Variants in NDUFV1 observed in about 807,000 individuals in gnomAD.
NDUFV1 encodes the protein NADH:ubiquinone oxidoreductase core subunit V1.
A neutral mutation model predicts 48.7 loss-of-function variants in NDUFV1; 41 were observed. That is an observed-to-expected ratio of 0.84 (90% confidence interval 0.66 to 1.09). The LOEUF is 1.09. NDUFV1 is among the 50% of genes least tolerant of loss of function. NDUFV1 has a pLI of 0.00. For missense variants in NDUFV1, 580 were observed against 645.4 expected (o/e 0.90, Z 1.10); for synonymous variants, 231 against 259.1 (o/e 0.89, Z 1.04).
Position 67,612,308 on chromosome 11 carries a change from C to A in NDUFV1, c.1308+43C>A. On this transcript the variant is annotated intron_variant, in intron 9 of 9. Transcript: ENST00000322776. The surrounding 1 kb of genome is among the most constrained non-coding windows in gnomAD (Gnocchi z 4.4). ...GCGTAGCACGGAGGGTGGGTGGCAT[C>A]AAGGGCCCAGGGTGTTGGGGGATTT... is the stretch of plus-strand genomic sequence containing the variant. 1 of 1,613,764 alleles carries A rather than the reference C, an allele frequency of 6.2e-7. No homozygotes were observed. Among genetic ancestry groups the A allele is most frequent in the East Asian group, 2.2e-5 (1 of 44,834 alleles).
Position 67,612,359 on chromosome 11 carries a change from C to T in NDUFV1, c.1309-13C>T. 6.2e-7 allele frequency: 1 copy of T among 1,613,712 alleles called. No homozygotes were observed. Among genetic ancestry groups the T allele is most frequent in the South Asian group, 1.1e-5 (1 of 91,066 alleles). On this transcript the variant is annotated splice_polypyrimidine_tract_variant and intron_variant, in intron 9 of 9. Transcript: ENST00000322776. This position sits in a 1 kb window ranked among gnomAD's most constrained non-coding sequence, Gnocchi z 4.4. Reference sequence around the variant, plus strand: ...TTGGACTCTGTTTCACATGGTCCCCCCACCGACCCCAGGGTCTGATCCGCC... The same window carrying T: ...TTGGACTCTGTTTCACATGGTCCCCTCACCGACCCCAGGGTCTGATCCGCC...
In NDUFV1 at chr11:67,611,717, C is replaced by A; in HGVS notation, c.1080+148C>A. 1 of 1,402,116 alleles carries A rather than the reference C, an allele frequency of 7.1e-7. No homozygotes were observed. Among genetic ancestry groups the A allele is most frequent in the Non-Finnish European group, 9.8e-7 (1 of 1,020,746 alleles). 86.9% of individuals were successfully genotyped at this position (1,402,116 alleles called of 1,614,324 possible). A position where few individuals can be genotyped will look rare whatever the true frequency, so the allele number is the denominator to read the frequency against. On this transcript the variant is annotated intron_variant, in intron 7 of 9. Coordinates refer to ENST00000322776, the MANE Select transcript of NDUFV1 (RefSeq NM_007103.4). This position sits in a 1 kb window ranked among gnomAD's most constrained non-coding sequence, Gnocchi z 4.2. Reference sequence around the variant, plus strand: ...GGTGGAAGAGGAGGGAGGAAGGCTGCTCTGAGGAGAATACCCCGGAGTCTG... The same window carrying A: ...GGTGGAAGAGGAGGGAGGAAGGCTGATCTGAGGAGAATACCCCGGAGTCTG...
intron 1 of NDUFV1, 54 bp from the exon 2 acceptor site, chr11:67,608,342 C>A: frequency 6.6e-7 from 1 of 1,525,842 alleles, no homozygotes; most frequent in Non-Finnish European, 9.1e-7. Context: ...GCTTCTGGCC[C>A]AATCCCTCAT....
chr11:67,610,414 A>C lies in NDUFV1; in HGVS notation c.544A>C (p.Ile182Leu). 1 of 1,614,072 alleles carries C rather than the reference A, an allele frequency of 6.2e-7. No individual in the cohort carries two copies. The highest frequency in any genetic ancestry group is 1.1e-5 in the South Asian group (1 of 91,072). Reference protein sequence around the residue: ...AIREAYEAGLIGKNACGSGYD... With the variant: ...AIREAYEAGLLGKNACGSGYD... ...CCGAGAGGCCTATGAGGCAGGTCTGATTGGCAAGAATGCTTGTGGCTCTGG... is the reference window on the plus strand; with the variant it reads ...CCGAGAGGCCTATGAGGCAGGTCTGCTTGGCAAGAATGCTTGTGGCTCTGG... Residue 182 changes from isoleucine to leucine, a missense_variant, in exon 5 of 10, where the codon ATT becomes CTT. Physicochemically the swap from Ile to Leu is conservative, Grantham distance 5. Transcript: ENST00000322776.
At chr11:67,610,297 CT>C in intron 4 of NDUFV1, 83 bp from the exon 5 acceptor site, 1 of 1,539,808 alleles carries the variant, frequency 6.5e-7, no homozygotes, top group Admixed American at 1.7e-5. Context: ...CGTGGGAGGC[CT>C]TCAAGGGCTT....
At chr11:67,607,635 C>G (rs1854835307) in intron 1 of NDUFV1, 1 of 363,094 alleles carries the variant, frequency 2.8e-6, no homozygotes, top group Non-Finnish European at 5.5e-6. Flanking sequence ...ATAAAAGGCC[C>G]CTGGCCTACC....
At position 67,611,852 on chromosome 11, in the gene NDUFV1, T is replaced by C. The variant is rs1346239288; in HGVS notation, c.1081-45T>C. ...GCTGCTAGGGGGCTGAGGCCCAGGC[T>C]TCTGTCTGGCCGTGGGTGCCTGCTA... On this transcript the variant is annotated intron_variant, in intron 7 of 9. Coordinates refer to ENST00000322776, the MANE Select transcript of NDUFV1 (RefSeq NM_007103.4). This position sits in a 1 kb window ranked among gnomAD's most constrained non-coding sequence, Gnocchi z 4.2. 6.2e-7 allele frequency: 1 copy of C among 1,604,860 alleles called. No homozygotes were observed. The highest frequency in any genetic ancestry group is 1.3e-5 in the African/African-American group (1 of 74,676).
rs778206888 is a variant in NDUFV1 at position 67,612,390 on chromosome 11, C to T, written c.1327C>T (p.Arg443Trp). The T allele has an allele frequency of 2.2e-5, 35 of 1,613,112 alleles. No homozygotes were observed. The highest frequency in any genetic ancestry group is 1.3e-4 in the African/African-American group (10 of 74,908). Reference protein sequence around the residue: ...WPVQGLIRHFRPELEERMQRF... With the variant: ...WPVQGLIRHFWPELEERMQRF... ...ACCCCAGGGTCTGATCCGCCACTTT[C>T]GGCCGGAGCTCGAGGAGCGGATGCA... The change falls in exon 10 of 10, where the codon CGG becomes TGG. Residue 443 changes from arginine (R) to tryptophan (W), a missense_variant. By Grantham distance (101) the Arg-to-Trp change is moderately radical. Transcript: ENST00000322776. This position sits in a 1 kb window ranked among gnomAD's most constrained non-coding sequence, Gnocchi z 4.4.
intron 1 of NDUFV1, chr11:67,607,300 C>T (rs1015823112): frequency 2.9e-6 from 2 of 697,054 alleles, no homozygotes; most frequent in Non-Finnish European, 5.2e-6. Flanking sequence ...GTTTTACAGT[C>T]CTCGGCCTGG....
At position 67,611,396 on chromosome 11, in the gene NDUFV1, G is replaced by C; in HGVS notation, c.914-7G>C. 2 of 1,612,988 alleles carry C rather than the reference G, an allele frequency of 1.2e-6. No individual in the cohort carries two copies. ...GCATCCCTTTGGGGACCGACTTGGG[G>C]CCCCAGGGGGTGTCACGGGCGGCTG... is the stretch of plus-strand genomic sequence containing the variant. On this transcript the variant is annotated splice_polypyrimidine_tract_variant and splice_region_variant and intron_variant, in intron 6 of 9. Coordinates refer to ENST00000322776, the MANE Select transcript of NDUFV1 (RefSeq NM_007103.4). The surrounding 1 kb of genome is among the most constrained non-coding windows in gnomAD (Gnocchi z 4.2).
In NDUFV1 at chr11:67,609,517, T is replaced by TA. The variant is rs1483057132; in HGVS notation, c.393dup (p.Arg132ThrfsTer3). 2.5e-6 allele frequency: 4 copies of TA among 1,613,724 alleles called. No homozygotes were observed. The highest frequency in any genetic ancestry group is 1.3e-5 in the African/African-American group (1 of 75,026). On this transcript the variant is annotated frameshift_variant, in exon 4 of 10. Coordinates refer to ENST00000322776, the MANE Select transcript of NDUFV1 (RefSeq NM_007103.4). LOFTEE classifies it high-confidence loss of function. ...GGCACCTGCAAGGACCGGGAGATCTTACGCCATGATCCTCACAAGCTGCTG... is the reference window on the plus strand; with the variant it reads ...GGCACCTGCAAGGACCGGGAGATCTTAACGCCATGATCCTCACAAGCTGCTG...
intron 4 of NDUFV1, 193 bp downstream of exon 4, chr11:67,609,828 C>A: frequency 1.8e-6 from 1 of 563,234 alleles, no homozygotes; most frequent in Non-Finnish European, 3.0e-6. Flanking sequence ...CCTAATGCTG[C>A]TGGTGTAAAT....
At position 67,608,571 on chromosome 11, in the gene NDUFV1, C is replaced by T. The variant is rs768050261; in HGVS notation, c.175C>T (p.Arg59Ter). The change falls in exon 3 of 10, where the codon CGA becomes TGA. Residue 59 changes from arginine to a stop codon, truncating the protein, a stop_gained. Coordinates refer to ENST00000322776, the MANE Select transcript of NDUFV1 (RefSeq NM_007103.4). LOFTEE classifies it high-confidence loss of function. ...GTCCAGGCTGAAAGGTTCCCTGAGT[C>T]GAGGTGACTGGTACAAGACAAAGGA... ...HDWRLKGSLS[R>*]GDWYKTKEIL... is the part of the protein sequence containing the mutation. The T allele has an allele frequency of 1.2e-5, 20 of 1,614,134 alleles. No homozygotes were observed. The highest frequency in any genetic ancestry group is 4.5e-5 in the East Asian group (2 of 44,892).
chr11:67,610,209 C>G (rs368343703), intron 4 of NDUFV1, 172 bp from the exon 5 acceptor site: 1 of 673,672 alleles, frequency 1.5e-6, no homozygotes, highest in South Asian at 1.8e-5. Context: ...CTTATCTGTT[C>G]CAGATCATAG....
chr11:67,608,507 C>G, intron 2 of NDUFV1, 29 bp downstream of exon 2: 2 of 1,614,174 alleles, frequency 1.2e-6, no homozygotes, highest in Non-Finnish European at 1.7e-6. Context: ...TGTGTTGGGT[C>G]CCGGAGCAAG....
In NDUFV1 at chr11:67,611,297, G is replaced by T; in HGVS notation, c.913+90G>T. On this transcript the variant is annotated intron_variant, in intron 6 of 9. Transcript: ENST00000322776. This position sits in a 1 kb window ranked among gnomAD's most constrained non-coding sequence, Gnocchi z 4.2. ...GCCTGGGCGGGAGGGCTCAGGAGAC[G>T]GGGCTGGGTCTAGGGGCTGACTAAG... 9.4e-6 allele frequency: 15 copies of T among 1,593,056 alleles called. No individual in the cohort carries two copies. Among genetic ancestry groups the T allele is most frequent in the Non-Finnish European group, 1.3e-5 (15 of 1,165,960 alleles).
In NDUFV1 at chr11:67,611,924, C is replaced by G. The variant is rs1221806825; in HGVS notation, c.1108C>G (p.Leu370Val). The change falls in exon 8 of 10, where the codon CTC (leucine) becomes GTC (valine). Residue 370 changes from leucine (L) to valine (V), a missense_variant. Transcript: ENST00000322776. This position sits in a 1 kb window ranked among gnomAD's most constrained non-coding sequence, Gnocchi z 4.2. ...GGACATCGTGAAAGCCATCGCCCGC[C>G]TCATTGAGTTCTATAAGCACGAGAG... Reference protein sequence around the residue: ...STDIVKAIARLIEFYKHESCG... With the variant: ...STDIVKAIARVIEFYKHESCG... The G allele has an allele frequency of 6.8e-6, 11 of 1,613,974 alleles. No individual in the cohort carries two copies. The highest frequency in any genetic ancestry group is 9.3e-6 in the Non-Finnish European group (11 of 1,180,034).
At position 67,610,555 on chromosome 11, in the gene NDUFV1, T is replaced by A; in HGVS notation, c.685T>A (p.Phe229Ile). 6.2e-7 allele frequency: 1 copy of A among 1,614,134 alleles called. No homozygotes were observed. Among genetic ancestry groups the A allele is most frequent in the East Asian group, 2.2e-5 (1 of 44,890 alleles). Reference sequence around the variant, plus strand: ...GGGCAAGCCCCGCCTGAAGCCCCCCTTCCCCGCAGACGTGGGTAAGGCCTG... The same window carrying A: ...GGGCAAGCCCCGCCTGAAGCCCCCCATCCCCGCAGACGTGGGTAAGGCCTG... Reference protein sequence around the residue: ...KQGKPRLKPPFPADVGVFGCP... With the variant: ...KQGKPRLKPPIPADVGVFGCP... Residue 229 changes from phenylalanine to isoleucine, a missense_variant, in exon 5 of 10, where the codon TTC becomes ATC. Coordinates refer to ENST00000322776, the MANE Select transcript of NDUFV1 (RefSeq NM_007103.4).
chr11:67,607,231 G>C (rs1854823209), intron 1 of NDUFV1, 155 bp downstream of exon 1: 1 of 878,546 alleles, frequency 1.1e-6, no homozygotes, highest in Non-Finnish European at 1.8e-6. Context: ...GTTGAAGTAG[G>C]GGAACGGGTC....
Sources: gnomAD v4.1 joint callset for allele counts on GRCh38, gnomAD v4.1.1 for gene constraint, Gnocchi (gnomAD v3.1) non-coding constraint, MANE v1.5 for transcripts, NCBI Gene and HGNC (gene_info 2026-07-23, HGNC 2026-07-21) for gene names.